KIRREL3: variants seen among roughly 807,000 people sequenced by gnomAD.
KIRREL3 encodes the protein kin of IRRE-like protein 3.
KIRREL3 carries 36 observed loss-of-function variants against 89.7 expected under a neutral mutation model. The ratio of observed to expected loss-of-function variants is 0.40; its 90% CI spans 0.31 to 0.53. The LOEUF is 0.53. Ranked by LOEUF, KIRREL3 falls within the 20% of genes least tolerant of loss-of-function variation. The pLI is 0.49. For synonymous variants in KIRREL3, 445 were observed against 441.4 expected, an observed-to-expected ratio of 1.01 and a Z score of -0.10; for missense variants, 864 against 1,056.6, an observed-to-expected ratio of 0.82 and a Z score of 2.53.
In KIRREL3 at chr11:126,807,746, CT is replaced by C. The variant is rs1951248956; in HGVS notation, c.55+192708del. The stretch of plus-strand genomic sequence containing the variant: ...AGGCTTCTGAGATTCTTCTACATGT[CT>C]ACTCTGATGTGGTTGGAGAGTCCTT... On this transcript the variant is annotated intron_variant, in intron 1 of 16. Coordinates refer to ENST00000525144, the MANE Select transcript of KIRREL3 (RefSeq NM_032531.4). This position sits in a 1 kb window ranked among gnomAD's most constrained non-coding sequence, Gnocchi z 4.3. Among the ~76,000 whole-genome samples the C allele has an allele frequency of 6.6e-6, 1 of 152,194 alleles. No individual in the cohort carries two copies. The highest frequency in any genetic ancestry group is 2.4e-5 in the African/African-American group (1 of 41,458).
At chr11:126,633,170 C>T (rs1003815484) in intron 1 of KIRREL3, among the ~76,000 whole-genome samples, 17 of 152,118 alleles carry the variant, frequency 1.1e-4, no homozygotes, top group African/African-American at 3.9e-4. Flanking sequence ...TTGGCCATGC[C>T]GAGTCCCAAG....
chr11:126,984,211 A>G (rs1949792775), intron 1 of KIRREL3, among the ~76,000 whole-genome samples: 1 of 152,168 alleles, frequency 6.6e-6, no homozygotes, highest in Admixed American at 6.5e-5. Flanking sequence ...TAGAGTTTCA[A>G]AGCCCTCACA....
chr11:126,907,680 C>G (rs1946641761), intron 1 of KIRREL3, among the ~76,000 whole-genome samples: 2 of 152,190 alleles, frequency 1.3e-5, no homozygotes, highest in African/African-American at 4.8e-5. Flanking sequence ...ATCTTTTCCC[C>G]TAGTCTAATG....
rs996659068 is a variant in KIRREL3, at chr11:127,000,680, T to C, written c.-171A>G. The C allele has an allele frequency of 8.8e-6, 5 of 570,618 alleles. No homozygotes were observed. The allele number at this position is 570,618 out of a possible 1,614,324, so 35.3% of individuals were successfully genotyped here. On this transcript the variant is annotated 5_prime_UTR_variant, in exon 1 of 17. Transcript: ENST00000525144. This position sits in a 1 kb window ranked among gnomAD's most constrained non-coding sequence, Gnocchi z 7.1. ...CGGTCTCTTTGTGCCTCTGGGTATC[T>C]GCAGCCAGCCGACACAAACTGCCTG...
At chr11:126,910,551 G>A (rs1474579074) in intron 1 of KIRREL3, among the ~76,000 whole-genome samples, 2 of 152,290 alleles carry the variant, frequency 1.3e-5, no homozygotes, top group Admixed American at 1.3e-4. Context: ...TCCAGGCTCC[G>A]TGTTGAGGGA....
rs925268493 is a variant in KIRREL3, at chr11:126,431,396, G to A, written c.1696+23C>T. ...CCTTTTTCTCTGTCCCCCTCCCTGA[G>A]ATCCCGGATCTCCCTCCCGTACTTC... On this transcript the variant is annotated intron_variant, in intron 14 of 16. Coordinates refer to ENST00000525144, the MANE Select transcript of KIRREL3 (RefSeq NM_032531.4). This position sits in a 1 kb window ranked among gnomAD's most constrained non-coding sequence, Gnocchi z 7.1. 2 of 1,613,518 alleles carry A rather than the reference G, an allele frequency of 1.2e-6. No homozygotes were observed. Among genetic ancestry groups the A allele is most frequent in the Non-Finnish European group, 1.7e-6 (2 of 1,179,766 alleles).
chr11:126,919,353 T>C (rs193275856), intron 1 of KIRREL3, among the ~76,000 whole-genome samples: 1 of 152,318 alleles, frequency 6.6e-6, no homozygotes, highest in East Asian at 1.9e-4. Flanking sequence ...GTAGTTCCAG[T>C]TGAGTAATTA....
At chr11:126,621,508 T>C (rs1184958314) in intron 1 of KIRREL3, among the ~76,000 whole-genome samples, 1 of 152,200 alleles carries the variant, frequency 6.6e-6, no homozygotes, top group Non-Finnish European at 1.5e-5. Flanking sequence ...GTGAGAGGCT[T>C]AAAAAGTAGA....
Position 126,987,668 on chromosome 11 carries a change from C to T in KIRREL3, c.55+12787G>A, listed in dbSNP as rs1051577105. On this transcript the variant is annotated intron_variant, in intron 1 of 16. Coordinates refer to ENST00000525144, the MANE Select transcript of KIRREL3 (RefSeq NM_032531.4). The surrounding 1 kb of genome is among the most constrained non-coding windows in gnomAD (Gnocchi z 4.6). ...AGCTGCCAAGGCTCTGTTGATATGA[C>T]GGCATGTCCCACTGAAGTAAAAAGA... Among the ~76,000 whole-genome samples, 13 of 152,224 alleles carry T rather than the reference C, an allele frequency of 8.5e-5. No individual in the cohort carries two copies. The highest frequency in any genetic ancestry group is 1.2e-4 in the African/African-American group (5 of 41,456).
rs568710201 is a variant in KIRREL3 at position 126,528,935 on chromosome 11, C to T, written c.134-2248G>A. Among the ~76,000 whole-genome samples, 5 of 152,262 alleles carry T rather than the reference C, an allele frequency of 3.3e-5. No homozygotes were observed. Among genetic ancestry groups the T allele is most frequent in the East Asian group, 1.9e-4 (1 of 5,164 alleles). On this transcript the variant is annotated intron_variant, in intron 2 of 16. Transcript: ENST00000525144. This position sits in a 1 kb window ranked among gnomAD's most constrained non-coding sequence, Gnocchi z 4.6. ...GATTTCACAGCTCATCCTTTTATCT[C>T]AAAATCTTTCTTACAAGAAGGACAG...
chr11:126,797,312 G>A lies in KIRREL3; in HGVS notation c.55+203143C>T, dbSNP rs189404506. Among the ~76,000 whole-genome samples the A allele has an allele frequency of 6.6e-6, 1 of 152,266 alleles. No individual in the cohort carries two copies. Among genetic ancestry groups the A allele is most frequent in the Non-Finnish European group, 1.5e-5 (1 of 68,020 alleles). On this transcript the variant is annotated intron_variant, in intron 1 of 16. Coordinates refer to ENST00000525144, the MANE Select transcript of KIRREL3 (RefSeq NM_032531.4). The surrounding 1 kb of genome is among the most constrained non-coding windows in gnomAD (Gnocchi z 4.9). ...AGACTAATAACAACATTGTTTCAAA[G>A]AGCTGTGTTGAGCATCAAATGCATC...
In KIRREL3 at chr11:126,859,329, G is replaced by T. The variant is rs576882819; in HGVS notation, c.55+141126C>A. ...CATTATTCCCATTTTTACTGAGGAG[G>T]AAACTGACACATGGCAACTTATTCA... is the stretch of plus-strand genomic sequence containing the variant. On this transcript the variant is annotated intron_variant, in intron 1 of 16. Coordinates refer to ENST00000525144, the MANE Select transcript of KIRREL3 (RefSeq NM_032531.4). Among the ~76,000 whole-genome samples, 6 of 152,300 alleles carry T rather than the reference G, an allele frequency of 3.9e-5. No individual in the cohort carries two copies. The East Asian group carries it at 9.6e-4, about 24-fold the overall frequency.
At chr11:126,848,419 A>C (rs1270214355) in intron 1 of KIRREL3, among the ~76,000 whole-genome samples, 2 of 152,156 alleles carry the variant, frequency 1.3e-5, no homozygotes, top group Non-Finnish European at 2.9e-5. Context: ...TTCCAGTCTC[A>C]TCAGTTGTTT....
intron 1 of KIRREL3, among the ~76,000 whole-genome samples, chr11:126,613,485 G>A (rs770146348): frequency 9.2e-5 from 14 of 152,074 alleles, no homozygotes; most frequent in Non-Finnish European, 2.1e-4. Flanking sequence ...TTTGATTGAT[G>A]TGCAATTACC....
chr11:126,544,867 C>T lies in KIRREL3; in HGVS notation c.133+17968G>A, dbSNP rs185193352. Among the ~76,000 whole-genome samples the T allele has an allele frequency of 2.6e-5, 4 of 152,256 alleles. No homozygotes were observed. In the East Asian group the frequency reaches 7.7e-4, roughly 29 times the overall value. The stretch of plus-strand genomic sequence containing the variant: ...TGAGCAAAGTCTGTCTTTGTTTGGC[C>T]ATGCACTGTCTAAACTCCTCTAACC... On this transcript the variant is annotated intron_variant, in intron 2 of 16. Coordinates refer to ENST00000525144, the MANE Select transcript of KIRREL3 (RefSeq NM_032531.4). This position sits in a 1 kb window ranked among gnomAD's most constrained non-coding sequence, Gnocchi z 5.6.
intron 1 of KIRREL3, among the ~76,000 whole-genome samples, chr11:126,871,981 CTGGACTT>C (rs1475658647): frequency 6.6e-6 from 1 of 152,172 alleles, no homozygotes; most frequent in African/African-American, 2.4e-5. Flanking sequence ...CCACAGTTCC[CTGGACTT>C]TGTACTTAAT....
chr11:126,505,343 G>A (rs1298618804), intron 4 of KIRREL3, among the ~76,000 whole-genome samples: 1 of 152,214 alleles, frequency 6.6e-6, no homozygotes, highest in African/African-American at 2.4e-5. Flanking sequence ...GCTGAGGCCG[G>A]TGGATCACTT....
chr11:126,930,833 A>C (rs987940506), intron 1 of KIRREL3, among the ~76,000 whole-genome samples: 1 of 152,184 alleles, frequency 6.6e-6, no homozygotes. Context: ...ACCCCTGCAC[A>C]CAGCTGACCA....
intron 1 of KIRREL3, among the ~76,000 whole-genome samples, chr11:126,597,805 A>G (rs529254067): frequency 2.0e-5 from 3 of 152,344 alleles, no homozygotes; most frequent in Admixed American, 2.0e-4. Flanking sequence ...ACAAAAATGT[A>G]TGCAATTGGT....
Sources: allele counts gnomAD v4.1 joint callset (sites outside exome capture counted in the v4.1 genomes callset), GRCh38; gene constraint gnomAD v4.1.1; non-coding constraint Gnocchi (gnomAD v3.1); transcripts MANE v1.5; gene names NCBI Gene and HGNC (gene_info 2026-07-23, HGNC 2026-07-21).